The following SLC26A8 variants were observed in gnomAD, a reference collection of about 807,000 sequenced individuals.
SLC26A8 encodes the protein solute carrier family 26 member 8.
A neutral mutation model predicts 105.0 loss-of-function variants in SLC26A8; 70 were observed. That is an observed-to-expected ratio of 0.67 (90% CI 0.55 to 0.81). SLC26A8 has a LOEUF of 0.81. SLC26A8 is among the 40% of genes least tolerant of loss of function. The pLI is 0.00. For synonymous variants in SLC26A8, 415 were observed against 438.3 expected (o/e 0.95, Z 0.66); for missense variants, 998 against 1,181.8 (o/e 0.84, Z 2.28).
At chr6:35,977,930 TA>T (rs945895046) in intron 8 of SLC26A8, among the ~76,000 whole-genome samples, 1 of 151,380 alleles carries the variant, frequency 6.6e-6, no homozygotes, top group African/African-American at 2.4e-5. Flanking sequence ...ACTAAAAATA[TA>T]AAAAATTAGC....
chr6:36,012,934 A>G (rs1581697728), intron 2 of SLC26A8, among the ~76,000 whole-genome samples: 2 of 152,296 alleles, frequency 1.3e-5, no homozygotes, highest in African/African-American at 4.8e-5. Flanking sequence ...AGGCAGGTGC[A>G]TAAAGTGTGT....
At chr6:35,944,442 A>G in intron 19 of SLC26A8, 102 bp from the exon 20 acceptor site, 1 of 768,758 alleles carries the variant, frequency 1.3e-6, no homozygotes, top group South Asian at 1.8e-5. Flanking sequence ...AGGCTGGGGC[A>G]GGAGAATCGC....
intron 7 of SLC26A8, among the ~76,000 whole-genome samples, chr6:35,982,449 A>T (rs1773313076): frequency 6.6e-6 from 1 of 152,186 alleles, no homozygotes; most frequent in African/African-American, 2.4e-5. Context: ...TGTGAACATG[A>T]TGGGAACAAA....
rs34341096 is a variant in SLC26A8, at chr6:36,002,711, CT to C, written c.329-2604del. Among the ~76,000 whole-genome samples the C allele has an allele frequency of 4.1e-4, 60 of 144,642 alleles. 1 individual carries two copies. The highest frequency in any genetic ancestry group is 6.2e-4 in the Admixed American group (9 of 14,458). The allele number at this position is 144,642 out of a possible 152,430, so 94.9% of individuals were successfully genotyped here. A position where few individuals can be genotyped will look rare whatever the true frequency, so the allele number is the denominator to read the frequency against. On this transcript the variant is annotated intron_variant, in intron 3 of 19. Coordinates refer to ENST00000490799, the MANE Select transcript of SLC26A8 (RefSeq NM_052961.4). ...CCCATTTTGTGATTTGCTTTTCAATCTTTTTTTTTTTTTGAGATGGCATCTC... is the reference window on the plus strand; with the variant it reads ...CCCATTTTGTGATTTGCTTTTCAATCTTTTTTTTTTTTGAGATGGCATCTC...
rs983179834 is a variant in SLC26A8 at position 35,943,585 on chromosome 6, A to G, written c.*315T>C. 3 of 286,718 alleles carry G rather than the reference A, an allele frequency of 1.0e-5. No individual in the cohort carries two copies. The Admixed American group carries it at 1.4e-4, about 13-fold the overall frequency. The allele number at this position is 286,718 out of a possible 1,614,324, so 17.8% of individuals were successfully genotyped here. On this transcript the variant is annotated 3_prime_UTR_variant, in exon 20 of 20. Coordinates refer to ENST00000490799, the MANE Select transcript of SLC26A8 (RefSeq NM_052961.4). Reference sequence around the variant, plus strand: ...AAGGGGAACAGGGATGAGAGGATTAAGTTAGAGATGGTCTGGCACAAAGCC... The same window carrying G: ...AAGGGGAACAGGGATGAGAGGATTAGGTTAGAGATGGTCTGGCACAAAGCC...
intron 10 of SLC26A8, among the ~76,000 whole-genome samples, chr6:35,973,716 C>G (rs2127318917): frequency 6.6e-6 from 1 of 152,260 alleles, no homozygotes; most frequent in South Asian, 2.1e-4. Context: ...CTTGTATTAC[C>G]TTTTACCTTA....
rs755944971 is a variant in SLC26A8 at position 35,944,154 on chromosome 6, C to T, written c.2659G>A (p.Glu887Lys). The T allele has an allele frequency of 6.2e-7, 1 of 1,613,996 alleles. No homozygotes were observed. Among genetic ancestry groups the T allele is most frequent in the African/African-American group, 1.3e-5 (1 of 74,900 alleles). ...DLDRELEPEM[E>K]PKAETETKTQ... Reference sequence around the variant, plus strand: ...TTGGTCTCGGTCTCAGCCTTGGGCTCCATTTCAGGCTCCAGCTCCCGATCC... The same window carrying T: ...TTGGTCTCGGTCTCAGCCTTGGGCTTCATTTCAGGCTCCAGCTCCCGATCC... The change falls in exon 20 of 20, where the codon GAG (glutamate) becomes AAG (lysine). Residue 887 changes from glutamate to lysine, a missense_variant. Physicochemically the swap from Glu to Lys is moderately conservative, Grantham distance 56. Transcript: ENST00000490799.
At chr6:35,950,100 G>T (rs1028352761) in intron 19 of SLC26A8, among the ~76,000 whole-genome samples, 1 of 151,182 alleles carries the variant, frequency 6.6e-6, no homozygotes, top group Admixed American at 6.6e-5. Flanking sequence ...CCCGCCCGTT[G>T]TACGGTCTTA....
At chr6:35,972,964 C>T (rs1384870622) in intron 10 of SLC26A8, among the ~76,000 whole-genome samples, 2 of 150,734 alleles carry the variant, frequency 1.3e-5, no homozygotes, top group African/African-American at 4.9e-5. Context: ...AACTGAAGCC[C>T]TTCTTCCTCC....
At chr6:35,975,604 G>C in intron 9 of SLC26A8, 116 bp from the exon 10 acceptor site, 1 of 600,204 alleles carries the variant, frequency 1.7e-6, no homozygotes, top group Non-Finnish European at 2.9e-6. Flanking sequence ...TGCATCACTT[G>C]AAATAACAGA....
rs554277644 is a variant in SLC26A8 at position 35,981,916 on chromosome 6, A to T, written c.1025+205T>A. On this transcript the variant is annotated intron_variant, in intron 8 of 19. Transcript: ENST00000490799. The surrounding 1 kb of genome is among the most constrained non-coding windows in gnomAD (Gnocchi z 4.0). Reference sequence around the variant, plus strand: ...TTTCCTGGATAAGGGGATGGGTTCAACTATGAGAAGAGAGACAGAGGCTGA... The same window carrying T: ...TTTCCTGGATAAGGGGATGGGTTCATCTATGAGAAGAGAGACAGAGGCTGA... 6.6e-6 allele frequency among the ~76,000 whole-genome samples: 1 copy of T among 152,338 alleles called. No individual in the cohort carries two copies. Among genetic ancestry groups the T allele is most frequent in the South Asian group, 2.1e-4 (1 of 4,830 alleles).
chr6:35,983,349 T>C (rs1773355592), intron 7 of SLC26A8, among the ~76,000 whole-genome samples: 1 of 152,196 alleles, frequency 6.6e-6, no homozygotes, highest in East Asian at 1.9e-4. Context: ...AATGAAAATA[T>C]GAAACATTGA....
intron 11 of SLC26A8, among the ~76,000 whole-genome samples, chr6:35,963,174 G>A (rs1772382450): frequency 6.6e-6 from 1 of 152,090 alleles, no homozygotes; most frequent in African/African-American, 2.4e-5. Flanking sequence ...GCAGGCCCCG[G>A]AGACAAAAAC....
intron 3 of SLC26A8, among the ~76,000 whole-genome samples, chr6:36,010,290 G>A (rs142013293): frequency 7.8e-4 from 118 of 152,248 alleles, no homozygotes; most frequent in Admixed American, 1.4e-3. Flanking sequence ...AACAATTTGC[G>A]TGAATCTCAA....
At chr6:35,990,702 G>C (rs1216868308) in intron 7 of SLC26A8, among the ~76,000 whole-genome samples, 1 of 152,128 alleles carries the variant, frequency 6.6e-6, no homozygotes, top group African/African-American at 2.4e-5. Flanking sequence ...GAAAAAGACG[G>C]AAATTCACCA....
In SLC26A8 at chr6:36,021,401, T is replaced by C. The variant is rs548404501; in HGVS notation, c.-2-1692A>G. ...ACTTTCCCCGTATAATTGTCCAATG[T>C]ACTTCCATGAGTAGTCTCTTTGTTC... On this transcript the variant is annotated intron_variant, in intron 1 of 19. Coordinates refer to ENST00000490799, the MANE Select transcript of SLC26A8 (RefSeq NM_052961.4). 2.0e-5 allele frequency among the ~76,000 whole-genome samples: 3 copies of C among 152,312 alleles called. No individual in the cohort carries two copies. In the South Asian group the frequency reaches 6.2e-4, roughly 32 times the overall value.
rs1329284485 is a variant in SLC26A8 at position 35,960,831 on chromosome 6, T to C, written c.1638+12A>G. On this transcript the variant is annotated intron_variant, in intron 14 of 19. Transcript: ENST00000490799. ...CCTTAGGCAGAGAAATGGGACCCAT[T>C]TGGATTCTTACCTCCCGATAATCAT... 1 of 1,613,684 alleles carries C rather than the reference T, an allele frequency of 6.2e-7. No individual in the cohort carries two copies. The highest frequency in any genetic ancestry group is 1.3e-5 in the African/African-American group (1 of 74,896).
intron 5 of SLC26A8, among the ~76,000 whole-genome samples, chr6:35,994,122 T>C (rs1196685156): frequency 1.4e-5 from 2 of 147,468 alleles, no homozygotes; most frequent in African/African-American, 5.0e-5. Context: ...TTTTCTTTTT[T>C]TTTTTTTTTT....
intron 2 of SLC26A8, among the ~76,000 whole-genome samples, chr6:36,016,930 G>C (rs142298641): frequency 6.6e-6 from 1 of 152,090 alleles, no homozygotes; most frequent in Non-Finnish European, 1.5e-5. Flanking sequence ...CCAGCACTTT[G>C]TGAGGCCAAA....
Sources: gnomAD v4.1 joint callset for allele counts (sites outside exome capture counted in the v4.1 genomes callset) on GRCh38, gnomAD v4.1.1 for gene constraint, Gnocchi (gnomAD v3.1) non-coding constraint, MANE v1.5 for transcripts, NCBI Gene and HGNC (gene_info 2026-07-23, HGNC 2026-07-21) for gene names.